The following ANK2 variants were observed in gnomAD, a reference collection of about 807,000 sequenced individuals.
The protein encoded by ANK2 is ankyrin 2, also known as ankyrin-2.
In ANK2, 83 loss-of-function variants were observed where a neutral mutation model predicts 360.5. The observed-to-expected ratio is 0.23, with a 90% CI of 0.19 to 0.28. ANK2 has a LOEUF of 0.28. Among genes scored for constraint, ANK2 ranks in the 10% least tolerant of loss-of-function variants. The pLI is 1.00. For synonymous variants in ANK2, 1,740 were observed against 1,759.5 expected (o/e 0.99, Z 0.28); for missense variants, 4,201 against 4,795.7 (o/e 0.88, Z 3.66).
intron 1 of ANK2, among the ~76,000 whole-genome samples, chr4:113,162,255 T>A (rs2097563846): frequency 6.6e-6 from 1 of 152,090 alleles, no homozygotes; most frequent in Non-Finnish European, 1.5e-5. Flanking sequence ...TTTTCACATG[T>A]CCCTGATGAC....
intron 1 of ANK2, among the ~76,000 whole-genome samples, chr4:112,848,741 A>T (rs1368556870): frequency 6.6e-6 from 1 of 152,134 alleles, no homozygotes; most frequent in Non-Finnish European, 1.5e-5. Flanking sequence ...CTCACCTTTG[A>T]TCCTTAGTGC....
At chr4:113,237,332 TC>T (rs1305781057) in intron 6 of ANK2, among the ~76,000 whole-genome samples, 160 bp downstream of exon 6, 3 of 152,166 alleles carry the variant, frequency 2.0e-5, no homozygotes, top group Admixed American at 2.0e-4. Flanking sequence ...AAGGGGACCA[TC>T]TAAAAAAATT....
intron 1 of ANK2, among the ~76,000 whole-genome samples, chr4:113,086,635 C>G (rs781427415): frequency 7.9e-5 from 12 of 152,114 alleles, no homozygotes; most frequent in Non-Finnish European, 1.6e-4. Context: ...AGCAAGCAAG[C>G]AAGCAAACAA....
chr4:113,297,021 G>A (rs1051409708), intron 22 of ANK2, among the ~76,000 whole-genome samples: 2 of 152,136 alleles, frequency 1.3e-5, no homozygotes, highest in African/African-American at 4.8e-5. Context: ...CTCAGAAAAT[G>A]TGAATATTCT....
chr4:112,783,708 G>C, the ANK2 span, among the ~76,000 whole-genome samples: 1 of 151,418 alleles, frequency 6.6e-6, no homozygotes, highest in African/African-American at 2.4e-5. Context: ...TTGGAATGCA[G>C]TGGCGCGATC....
rs186760463 is a variant in ANK2, at chr4:113,299,930, T to C, written c.2476-2837T>C. On this transcript the variant is annotated intron_variant, in intron 22 of 45. Coordinates refer to ENST00000357077, the MANE Select transcript of ANK2 (RefSeq NM_001148.6). ...TATGGATTTTGATTTAATTGGTCTA[T>C]GATGGGACCCAAGCAACAATATTTT... 5.2e-3 allele frequency among the ~76,000 whole-genome samples: 795 copies of C among 152,258 alleles called. 9 individuals carry two copies. Among genetic ancestry groups the C allele is most frequent in the Non-Finnish European group, 7.8e-3 (531 of 68,000 alleles).
At chr4:113,340,333 G>A (rs935597750) in intron 32 of ANK2, among the ~76,000 whole-genome samples, 7 of 152,296 alleles carry the variant, frequency 4.6e-5, no homozygotes, top group Admixed American at 1.3e-4. Context: ...GAGCAAAGAT[G>A]CAAAGATAGA....
intron 2 of ANK2, among the ~76,000 whole-genome samples, chr4:112,923,592 A>G (rs1002214943): frequency 2.0e-5 from 3 of 152,182 alleles, no homozygotes; most frequent in Admixed American, 2.0e-4. Flanking sequence ...TTAAGCAAAA[A>G]ATTCATGACT....
chr4:113,027,423 C>T (rs530342579), intron 2 of ANK2, among the ~76,000 whole-genome samples: 3 of 152,156 alleles, frequency 2.0e-5, no homozygotes, highest in South Asian at 4.2e-4. Flanking sequence ...TCAGTCTGAG[C>T]CAAGAGTGTT....
intron 2 of ANK2, among the ~76,000 whole-genome samples, chr4:112,990,839 C>G (rs544680878): frequency 6.6e-6 from 1 of 152,204 alleles, no homozygotes; most frequent in Non-Finnish European, 1.5e-5. Flanking sequence ...GTTATTCTAT[C>G]AAACTCTAAG....
chr4:112,790,646 G>T, the ANK2 span, among the ~76,000 whole-genome samples: 1 of 151,796 alleles, frequency 6.6e-6, no homozygotes, highest in Non-Finnish European at 1.5e-5. Flanking sequence ...ATGCCACCAC[G>T]CCGGCTAATT....
chr4:113,025,370 G>T, intron 2 of ANK2, among the ~76,000 whole-genome samples: 2 of 152,130 alleles, frequency 1.3e-5, no homozygotes, highest in Non-Finnish European at 2.9e-5. Context: ...GAATCTGCCT[G>T]GGTGTCCCCA....
At chr4:113,021,655 A>G (rs1401014002) in intron 2 of ANK2, among the ~76,000 whole-genome samples, 1 of 149,842 alleles carries the variant, frequency 6.7e-6, no homozygotes, top group Non-Finnish European at 1.5e-5. Flanking sequence ...TTTCTGAAAT[A>G]TATGCAAGTA....
chr4:113,185,449 T>C (rs2098501950), intron 2 of ANK2, among the ~76,000 whole-genome samples: 1 of 152,370 alleles, frequency 6.6e-6, no homozygotes, highest in Middle Eastern at 3.4e-3. Flanking sequence ...TTGATTTGCA[T>C]TTCTTTAATG....
At chr4:112,706,609 G>T in the ANK2 span, 1 of 152,354 alleles carries the variant, frequency 6.6e-6, no homozygotes, top group Non-Finnish European at 1.5e-5. Context: ...CTGGGGGAAA[G>T]GTACCCCAGA....
At chr4:112,745,901 C>A in the ANK2 span, among the ~76,000 whole-genome samples, 4 of 152,234 alleles carry the variant, frequency 2.6e-5, no homozygotes, top group East Asian at 7.7e-4. Context: ...CCACATCTCT[C>A]CCCCTTCCCC....
chr4:113,335,263 C>T (rs368736733), intron 29 of ANK2, among the ~76,000 whole-genome samples: 7 of 152,208 alleles, frequency 4.6e-5, no homozygotes, highest in African/African-American at 1.4e-4. Flanking sequence ...AATTCCTAAT[C>T]ACTGATTTTT....
intron 1 of ANK2, among the ~76,000 whole-genome samples, chr4:113,133,626 T>A (rs1420026353): frequency 1.3e-5 from 2 of 152,114 alleles, no homozygotes; most frequent in African/African-American, 4.8e-5. Context: ...CTTAGACCCA[T>A]CTGATTCAAA....
chr4:113,313,423 C>G (rs1038605300), intron 24 of ANK2, among the ~76,000 whole-genome samples: 1 of 152,082 alleles, frequency 6.6e-6, no homozygotes, highest in Non-Finnish European at 1.5e-5. Flanking sequence ...CTTGAATGCT[C>G]CTGCTTAAAT....
Sources: allele counts gnomAD v4.1 joint callset (sites outside exome capture counted in the v4.1 genomes callset), GRCh38; gene constraint gnomAD v4.1.1; transcripts MANE v1.5; gene names NCBI Gene and HGNC (gene_info 2026-07-23, HGNC 2026-07-21).